COP1: variants seen among roughly 807,000 people sequenced by gnomAD.
COP1 encodes the protein E3 ubiquitin-protein ligase COP1.
COP1 carries 24 observed loss-of-function variants against 101.3 expected under a neutral mutation model. That is an observed-to-expected ratio of 0.24 (90% confidence interval 0.17 to 0.33). The LOEUF is 0.33. Ranked by LOEUF, COP1 falls within the 10% of genes least tolerant of loss-of-function variation. COP1 has a pLI of 1.00. For missense variants in COP1, 663 were observed against 906.2 expected, an observed-to-expected ratio of 0.73 and a Z score of 3.45; for synonymous variants, 347 against 341.9, an observed-to-expected ratio of 1.01 and a Z score of -0.17.
intron 11 of COP1, among the ~76,000 whole-genome samples, chr1:176,047,902 G>A (rs1028180035): frequency 4.0e-5 from 6 of 151,812 alleles, no homozygotes; most frequent in Non-Finnish European, 1.5e-5. Context: ...AGTGAGACCC[G>A]ATCGCTACAA....
At chr1:176,078,161 A>C (rs1678416341) in intron 11 of COP1, among the ~76,000 whole-genome samples, 1 of 152,172 alleles carries the variant, frequency 6.6e-6, no homozygotes, top group Admixed American at 6.5e-5. Context: ...ATTCACATGG[A>C]ACAAAAAAAG....
intron 2 of COP1, among the ~76,000 whole-genome samples, chr1:176,177,826 C>A (rs1456216224): frequency 6.6e-6 from 1 of 152,064 alleles, no homozygotes; most frequent in Admixed American, 6.6e-5. Flanking sequence ...AGGTTTCGCC[C>A]TTCTGGTTAT....
chr1:176,078,714 G>A (rs1193067883), intron 11 of COP1, among the ~76,000 whole-genome samples: 1 of 151,306 alleles, frequency 6.6e-6, no homozygotes, highest in Non-Finnish European at 1.5e-5. Context: ...AGACAGCCTA[G>A]GGAATGGGTG....
At chr1:176,124,116 T>A (rs967109825) in intron 8 of COP1, among the ~76,000 whole-genome samples, 2 of 152,168 alleles carry the variant, frequency 1.3e-5, no homozygotes, top group African/African-American at 4.8e-5. Context: ...TTAATTTTTT[T>A]AAATTTTTAG....
chr1:176,167,738 C>T (rs1424749730), intron 3 of COP1, among the ~76,000 whole-genome samples: 1 of 152,178 alleles, frequency 6.6e-6, no homozygotes, highest in Non-Finnish European at 1.5e-5. Flanking sequence ...AGCACAGATG[C>T]TTGAGCCAAA....
intron 6 of COP1, among the ~76,000 whole-genome samples, chr1:176,147,360 AAAG>A (rs1250891354): frequency 6.6e-6 from 1 of 152,220 alleles, no homozygotes; most frequent in Non-Finnish European, 1.5e-5. Flanking sequence ...AAATTTAATC[AAAG>A]TAGTAGATAA....
intron 15 of COP1, among the ~76,000 whole-genome samples, chr1:176,016,130 T>C (rs1014451986): frequency 1.3e-5 from 2 of 152,172 alleles, no homozygotes; most frequent in African/African-American, 4.8e-5. Context: ...TTCCAGTAAG[T>C]AGAATAGAAA....
chr1:176,116,259 T>C (rs1686166020), intron 9 of COP1, among the ~76,000 whole-genome samples: 2 of 152,176 alleles, frequency 1.3e-5, no homozygotes, highest in East Asian at 3.9e-4. Context: ...TGCACTTCCA[T>C]AGGGCCAGCT....
intron 11 of COP1, among the ~76,000 whole-genome samples, chr1:176,075,314 A>G (rs1677787006): frequency 6.6e-6 from 1 of 152,200 alleles, no homozygotes; most frequent in Non-Finnish European, 1.5e-5. Context: ...CTCCTCCAAT[A>G]GTTTCTTTAG....
At chr1:176,162,081 G>C (rs1467433958) in intron 5 of COP1, among the ~76,000 whole-genome samples, 3 of 152,134 alleles carry the variant, frequency 2.0e-5, no homozygotes, top group Non-Finnish European at 2.9e-5. Context: ...AATCAAACAG[G>C]CATAAGGGGC....
chr1:175,990,597 G>GTCAAAATA (rs1658169303), intron 15 of COP1, among the ~76,000 whole-genome samples: 1 of 152,216 alleles, frequency 6.6e-6, no homozygotes, highest in South Asian at 2.1e-4. Flanking sequence ...AACAACTTCA[G>GTCAAAATA]TCAAAATATC....
intron 18 of COP1, among the ~76,000 whole-genome samples, chr1:175,950,716 A>G (rs531758597): frequency 1.3e-5 from 2 of 152,198 alleles, no homozygotes; most frequent in Non-Finnish European, 2.9e-5. Flanking sequence ...CTAATAAAAT[A>G]CCCAATATTT....
chr1:176,190,788 T>A (rs1220567413), intron 1 of COP1, among the ~76,000 whole-genome samples: 1 of 152,014 alleles, frequency 6.6e-6, no homozygotes, highest in East Asian at 1.9e-4. Flanking sequence ...CAAACTAATA[T>A]GTACATAGTT....
chr1:176,049,165 C>T (rs147466934), intron 11 of COP1, among the ~76,000 whole-genome samples: 43 of 118,422 alleles, frequency 3.6e-4, no homozygotes, highest in East Asian at 2.6e-3. Context: ...GGCAACAGAG[C>T]GAGACTCCGT....
At chr1:176,139,456 T>C (rs1026119299) in intron 6 of COP1, among the ~76,000 whole-genome samples, 2 of 152,134 alleles carry the variant, frequency 1.3e-5, no homozygotes, top group Non-Finnish European at 2.9e-5. Context: ...AGTAATTCCA[T>C]TATTGAGTAT....
intron 6 of COP1, among the ~76,000 whole-genome samples, chr1:176,146,320 A>T (rs1193722713): frequency 1.3e-5 from 2 of 152,198 alleles, no homozygotes; most frequent in East Asian, 3.9e-4. Flanking sequence ...TTAATAGGCA[A>T]GTTCTAAGAT....
At chr1:176,095,680 G>GAAA (rs60886371) in intron 9 of COP1, among the ~76,000 whole-genome samples, 2 of 87,548 alleles carry the variant, frequency 2.3e-5, no homozygotes, top group Non-Finnish European at 4.7e-5. Context: ...CCCTGTCTCA[G>GAAA]AAAAAAAAAA....
chr1:176,098,479 A>C (rs983755659), intron 9 of COP1, among the ~76,000 whole-genome samples: 6 of 152,230 alleles, frequency 3.9e-5, no homozygotes, highest in African/African-American at 1.4e-4. Context: ...AAAAACAAAC[A>C]AACAAAAAAA....
chr1:176,008,719 C>A (rs1664040034), intron 15 of COP1, among the ~76,000 whole-genome samples: 1 of 152,166 alleles, frequency 6.6e-6, no homozygotes. Context: ...TTTCTTCCAG[C>A]TCAGCTTTTT....
Sources: gnomAD v4.1 joint callset for allele counts (sites outside exome capture counted in the v4.1 genomes callset) on GRCh38, gnomAD v4.1.1 for gene constraint, MANE v1.5 for transcripts, NCBI Gene and HGNC (gene_info 2026-07-23, HGNC 2026-07-21) for gene names.